Variants in C4BPA observed in about 807,000 individuals in gnomAD.
C4BPA encodes complement component 4 binding protein alpha.
In C4BPA, 31 loss-of-function variants were observed where a neutral mutation model predicts 63.7. The observed-to-expected ratio is 0.49, with a 90% CI of 0.37 to 0.66. The LOEUF (loss-of-function observed/expected upper bound fraction) is 0.66. Among genes scored for constraint, C4BPA ranks in the 30% least tolerant of loss-of-function variants. C4BPA has a pLI of 0.00. For synonymous variants in C4BPA, 259 were observed against 254.7 expected, an observed-to-expected ratio of 1.02 and a Z score of -0.16; for missense variants, 572 against 723.3, an observed-to-expected ratio of 0.79 and a Z score of 2.40.
intron 1 of C4BPA, among the ~76,000 whole-genome samples, chr1:207,108,649 T>C (rs1684605257): frequency 6.6e-6 from 1 of 152,176 alleles, no homozygotes; most frequent in African/African-American, 2.4e-5. Context: ...TTATTAACAA[T>C]TGAATTTATG....
chr1:207,136,709 A>G (rs1685287016), intron 9 of C4BPA, among the ~76,000 whole-genome samples: 1 of 152,198 alleles, frequency 6.6e-6, no homozygotes, highest in African/African-American at 2.4e-5. Context: ...ATTTCAAAAT[A>G]TGCTGAATTG....
chr1:207,135,861 G>A (rs1203660622), intron 9 of C4BPA, among the ~76,000 whole-genome samples: 1 of 152,164 alleles, frequency 6.6e-6, no homozygotes, highest in Admixed American at 6.5e-5. Flanking sequence ...GATTCCATGA[G>A]CATGGTCCCA....
intron 1 of C4BPA, among the ~76,000 whole-genome samples, chr1:207,111,811 C>T (rs6675093): frequency 0.065 from 9,821 of 152,126 alleles, 918 homozygotes; most frequent in African/African-American, 0.21. Flanking sequence ...TGCACGAGAG[C>T]GTCCAACCAT....
chr1:207,123,583 T>A (rs1684964262), intron 4 of C4BPA, among the ~76,000 whole-genome samples: 2 of 152,188 alleles, frequency 1.3e-5, no homozygotes, highest in Non-Finnish European at 2.9e-5. Context: ...GGGGAGATTG[T>A]GGACTCAGTA....
chr1:207,112,933 A>G (rs1684699461), intron 1 of C4BPA, 68 bp from the exon 2 acceptor site: 2 of 1,408,064 alleles, frequency 1.4e-6, no homozygotes, highest in South Asian at 1.5e-5. Flanking sequence ...ATCCCATAAC[A>G]TTTATTCTAG....
Position 207,144,577 on chromosome 1 carries a change from G to C in C4BPA, c.1654G>C (p.Gly552Arg). The C allele has an allele frequency of 6.2e-7, 1 of 1,612,752 alleles. No individual in the cohort carries two copies. Among genetic ancestry groups the C allele is most frequent in the South Asian group, 1.1e-5 (1 of 90,992 alleles). The change falls in exon 12 of 12, where the codon GGC (glycine) becomes CGC (arginine). Residue 552 changes from glycine to arginine, a missense_variant. Around this residue, in one of 2 missense-constraint regions of C4BPA, gnomAD observed 465 missense variants for 629.4 expected, o/e 0.74. Coordinates refer to ENST00000367070, the MANE Select transcript of C4BPA (RefSeq NM_000715.4). ...TPEGCEQVLT[G>R]KRLMQCLPNP... ...CGAAGGCTGTGAACAAGTGCTCACA[G>C]GCAAAAGACTCATGCAGTGTCTCCC... is the stretch of plus-strand genomic sequence containing the variant.
At chr1:207,124,442 T>TG in intron 6 of C4BPA, 76 bp downstream of exon 6, 1 of 1,149,468 alleles carries the variant, frequency 8.7e-7, no homozygotes, top group Non-Finnish European at 1.3e-6. Flanking sequence ...GTAAATTTAT[T>TG]GGGGGGCAAA....
At chr1:207,118,527 A>G (rs1452407676) in intron 4 of C4BPA, among the ~76,000 whole-genome samples, 1 of 152,142 alleles carries the variant, frequency 6.6e-6, no homozygotes, top group Non-Finnish European at 1.5e-5. Flanking sequence ...TCATAAAACC[A>G]ACAGACCTCA....
chr1:207,134,450 A>G lies in C4BPA; in HGVS notation c.1131A>G (p.Gln377=), dbSNP rs1218848868. The change falls in exon 9 of 12, where the codon CAA becomes CAG. Residue 377 remains glutamine (Q), a synonymous_variant. Coordinates refer to ENST00000367070, the MANE Select transcript of C4BPA (RefSeq NM_000715.4). The part of the protein sequence containing the change: ...EPKLNNGEIT[Q]HRKSRPANHC... ...AGCTAAATAATGGTGAAATCACTCA[A>G]CACAGGAAAAGTCGTCCTGCCAATC... 1 of 1,613,876 alleles carries G rather than the reference A, an allele frequency of 6.2e-7. No homozygotes were observed. Among genetic ancestry groups the G allele is most frequent in the Non-Finnish European group, 8.5e-7 (1 of 1,179,892 alleles).
chr1:207,112,244 G>A (rs185327760), intron 1 of C4BPA, among the ~76,000 whole-genome samples: 97 of 151,532 alleles, frequency 6.4e-4, no homozygotes, highest in African/African-American at 2.3e-3. Flanking sequence ...ACTGCAAATT[G>A]CTTCATGGTT....
intron 1 of C4BPA, 35 bp from the exon 2 acceptor site, chr1:207,112,966 C>G (rs1056857756): frequency 1.3e-6 from 2 of 1,513,518 alleles, no homozygotes; most frequent in African/African-American, 2.8e-5. Flanking sequence ...AGTTGGAATT[C>G]AATGACTATT....
At chr1:207,123,026 T>C (rs1417231031) in intron 4 of C4BPA, among the ~76,000 whole-genome samples, 1 of 152,210 alleles carries the variant, frequency 6.6e-6, no homozygotes, top group Non-Finnish European at 1.5e-5. Context: ...GATTTTCTCA[T>C]TTTTATCCTC....
intron 1 of C4BPA, among the ~76,000 whole-genome samples, chr1:207,106,573 C>T (rs975469852): frequency 1.4e-5 from 2 of 145,580 alleles, no homozygotes; most frequent in Non-Finnish European, 3.0e-5. Flanking sequence ...TCCCGAGTAG[C>T]TGGGACTACA....
chr1:207,125,424 A>C (rs1047705132), intron 6 of C4BPA, among the ~76,000 whole-genome samples: 2 of 152,224 alleles, frequency 1.3e-5, no homozygotes, highest in Admixed American at 6.5e-5. Context: ...TATGGCTTGA[A>C]TGTGCATCTC....
intron 9 of C4BPA, among the ~76,000 whole-genome samples, chr1:207,140,898 A>G (rs1685398856): frequency 6.6e-6 from 1 of 152,204 alleles, no homozygotes; most frequent in African/African-American, 2.4e-5. Context: ...GGAAAACCTA[A>G]GGGCTATATC....
chr1:207,143,783 T>C (rs763343030), intron 10 of C4BPA, 35 bp from the exon 11 acceptor site: 3 of 1,466,800 alleles, frequency 2.0e-6, no homozygotes, highest in Admixed American at 1.7e-5. Flanking sequence ...TCTTCATAGA[T>C]TTACAGATTT....
chr1:207,135,820 C>A (rs968844619), intron 9 of C4BPA, among the ~76,000 whole-genome samples: 17 of 152,302 alleles, frequency 1.1e-4, no homozygotes, highest in African/African-American at 4.1e-4. Flanking sequence ...TTGGCAGGTT[C>A]TGAATGATGC....
rs1006840428 is a variant in C4BPA at position 207,139,417 on chromosome 1, G to A, written c.1274-1689G>A. ...ATTTTCATGTTTCTCTCCCACCCCT[G>A]GGAGATATTGTGGTGGTGTTTTTTT... is the stretch of plus-strand genomic sequence containing the variant. On this transcript the variant is annotated intron_variant, in intron 9 of 11. Transcript: ENST00000367070. Among the ~76,000 whole-genome samples the A allele has an allele frequency of 5.3e-4, 80 of 152,234 alleles. 1 individual carries two copies. Among genetic ancestry groups the A allele is most frequent in the Non-Finnish European group, 7.4e-5 (5 of 68,016 alleles).
chr1:207,129,588 C>T (rs143812183), intron 7 of C4BPA, among the ~76,000 whole-genome samples: 2,006 of 152,078 alleles, frequency 0.013, 50 homozygotes, highest in African/African-American at 0.045. Flanking sequence ...AGAAGAGCAA[C>T]GCATCATGTA....
Sources: allele counts gnomAD v4.1 joint callset (sites outside exome capture counted in the v4.1 genomes callset), GRCh38; gene constraint gnomAD v4.1.1; regional missense constraint gnomAD v4.1.1; transcripts MANE v1.5; gene names NCBI Gene and HGNC (gene_info 2026-07-23, HGNC 2026-07-21).